FAM91A1: variants seen among roughly 807,000 people sequenced by gnomAD.
The protein encoded by FAM91A1 is family with sequence similarity 91 member A1, also known as protein FAM91A1.
A neutral mutation model predicts 113.5 loss-of-function variants in FAM91A1; 41 were observed. That is an observed-to-expected ratio of 0.36 (90% CI 0.28 to 0.47). The LOEUF (loss-of-function observed/expected upper bound fraction) is 0.47, where lower values mean the gene tolerates loss of function less well. FAM91A1 is among the 20% of genes least tolerant of loss of function. The pLI is 1.00. For synonymous variants in FAM91A1, 307 were observed against 347.9 expected, an observed-to-expected ratio of 0.88 and a Z score of 1.31; for missense variants, 696 against 1,001.2, an observed-to-expected ratio of 0.70 and a Z score of 4.11.
chr8:123,784,618 G>GCT, intron 9 of FAM91A1, 42 bp downstream of exon 9: 1 of 1,415,924 alleles, frequency 7.1e-7, no homozygotes, highest in Non-Finnish European at 9.7e-7. Flanking sequence ...TCTCAAGATT[G>GCT]TAAGTTTGTG....
At chr8:123,780,371 C>G in intron 7 of FAM91A1, 109 bp from the exon 8 acceptor site, 1 of 859,598 alleles carries the variant, frequency 1.2e-6, no homozygotes, top group Non-Finnish European at 1.8e-6. Flanking sequence ...TCTTTCGTCA[C>G]ATAGCATTCA....
intron 21 of FAM91A1, 116 bp downstream of exon 21, chr8:123,808,492 A>C: frequency 1.5e-6 from 1 of 658,614 alleles, no homozygotes; most frequent in Non-Finnish European, 2.4e-6. Flanking sequence ...CTTTTAAATA[A>C]GAGTTTTCTA....
In FAM91A1 at chr8:123,809,019, G is replaced by A. The variant is rs760135532; in HGVS notation, c.2261+3G>A. On this transcript the variant is annotated splice_donor_region_variant and intron_variant, in intron 22 of 23. Transcript: ENST00000334705. ...CATGGCCTTTGCAGAAAAGAGAGGT[G>A]AGGGTTTATATTCGCTGTCATATTT... The A allele has an allele frequency of 6.8e-6, 11 of 1,611,290 alleles. No individual in the cohort carries two copies. The highest frequency in any genetic ancestry group is 1.7e-5 in the Admixed American group (1 of 59,762).
intron 18 of FAM91A1, among the ~76,000 whole-genome samples, chr8:123,804,513 A>C (rs1815758380): frequency 6.6e-6 from 1 of 150,448 alleles, no homozygotes; most frequent in African/African-American, 2.4e-5. Flanking sequence ...AAAAAAAAAA[A>C]AAAAAAAAGA....
At chr8:123,798,953 A>G (rs1458494932) in intron 16 of FAM91A1, among the ~76,000 whole-genome samples, 3 of 152,214 alleles carry the variant, frequency 2.0e-5, no homozygotes, top group Non-Finnish European at 2.9e-5. Flanking sequence ...TAACCTTTTT[A>G]AAATAATTCT....
At chr8:123,788,123 T>G (rs1815302175) in intron 14 of FAM91A1, 2 of 910,680 alleles carry the variant, frequency 2.2e-6, no homozygotes, top group Admixed American at 6.2e-5. Context: ...TGATTTGAAG[T>G]TTTTGTTCCA....
chr8:123,807,278 C>G (rs894264874), intron 20 of FAM91A1, among the ~76,000 whole-genome samples: 2 of 152,004 alleles, frequency 1.3e-5, no homozygotes, highest in African/African-American at 2.4e-5. Flanking sequence ...TACTACAGCT[C>G]TCCTTTTTTA....
At chr8:123,807,241 A>C (rs1423644694) in intron 20 of FAM91A1, among the ~76,000 whole-genome samples, 2 of 152,178 alleles carry the variant, frequency 1.3e-5, no homozygotes, top group Non-Finnish European at 2.9e-5. Context: ...GAGGGCTATG[A>C]CTTAAGCAGT....
At chr8:123,782,370 T>C (rs1271396457) in intron 8 of FAM91A1, among the ~76,000 whole-genome samples, 1 of 152,152 alleles carries the variant, frequency 6.6e-6, no homozygotes, top group Admixed American at 6.5e-5. Flanking sequence ...TCAGTACAAA[T>C]AATACCTGAA....
chr8:123,778,872 C>A, intron 6 of FAM91A1, 100 bp downstream of exon 6: 3 of 795,082 alleles, frequency 3.8e-6, no homozygotes, highest in South Asian at 3.1e-5. Flanking sequence ...ACATTGTTTT[C>A]CTGAAGAAAA....
intron 7 of FAM91A1, 118 bp downstream of exon 7, chr8:123,780,193 A>G (rs138426046): frequency 4.0e-5 from 35 of 865,746 alleles, no homozygotes; most frequent in African/African-American, 3.9e-4. Flanking sequence ...AAGGCATGTT[A>G]TTGTTTGAAA....
At chr8:123,798,270 GT>G (rs1482817001) in intron 16 of FAM91A1, 32 bp downstream of exon 16, 1 of 1,607,130 alleles carries the variant, frequency 6.2e-7, no homozygotes, top group Non-Finnish European at 8.5e-7. Flanking sequence ...CCACTTGGTA[GT>G]GTCATGAGTC....
chr8:123,791,248 T>C (rs2130106347), intron 15 of FAM91A1, among the ~76,000 whole-genome samples: 2 of 152,086 alleles, frequency 1.3e-5, no homozygotes, highest in African/African-American at 4.8e-5. Context: ...ATATTATTAG[T>C]AAATGGAAGA....
At chr8:123,777,451 A>T in intron 4 of FAM91A1, 129 bp downstream of exon 4, 2 of 767,412 alleles carry the variant, frequency 2.6e-6, no homozygotes, top group South Asian at 3.7e-5. Flanking sequence ...AAGCAACATT[A>T]TCAGTGAGAA....
At position 123,786,521 on chromosome 8, in the gene FAM91A1, T is replaced by C; in HGVS notation, c.989T>C (p.Leu330Pro). The change falls in exon 12 of 24, where the codon CTC becomes CCC. Residue 330 changes from leucine (L) to proline (P), a missense_variant. Physicochemically the swap from Leu to Pro is moderately conservative, Grantham distance 98 (BLOSUM62 -3). Coordinates refer to ENST00000334705, the MANE Select transcript of FAM91A1 (RefSeq NM_144963.4). ...AGTACCTTAGATCCACAGAAGATGC[T>C]CTTGTCATGGGATGGAGGGGAAAGT... ...LKSTLDPQKM[L>P]LSWDGGESRS... The C allele has an allele frequency of 6.2e-7, 1 of 1,613,860 alleles. No individual in the cohort carries two copies. Among genetic ancestry groups the C allele is most frequent in the Non-Finnish European group, 8.5e-7 (1 of 1,179,908 alleles).
At chr8:123,786,303 A>C (rs186508905) in intron 11 of FAM91A1, among the ~76,000 whole-genome samples, 192 bp from the exon 12 acceptor site, 1 of 152,332 alleles carries the variant, frequency 6.6e-6, no homozygotes, top group African/African-American at 2.4e-5. Flanking sequence ...TCTGAAGCCT[A>C]TCCGTGGATC....
chr8:123,783,912 G>A (rs1234270406), intron 8 of FAM91A1, among the ~76,000 whole-genome samples: 1 of 152,176 alleles, frequency 6.6e-6, no homozygotes, highest in African/African-American at 2.4e-5. Context: ...AGAAAAGAAA[G>A]CCCCAAAGAA....
intron 18 of FAM91A1, among the ~76,000 whole-genome samples, chr8:123,802,063 T>C (rs186179804): frequency 1.3e-5 from 2 of 152,026 alleles, no homozygotes; most frequent in East Asian, 3.9e-4. Flanking sequence ...AACTGAGAAG[T>C]TGACCTGTAG....
At chr8:123,769,498 T>C (rs912279322) in intron 1 of FAM91A1, among the ~76,000 whole-genome samples, 3 of 152,222 alleles carry the variant, frequency 2.0e-5, no homozygotes, top group Non-Finnish European at 4.4e-5. Context: ...TTGGACTTTA[T>C]CCTCCAGACA....
Sources: gnomAD v4.1 joint callset for allele counts (sites outside exome capture counted in the v4.1 genomes callset) on GRCh38, gnomAD v4.1.1 for gene constraint, MANE v1.5 for transcripts, NCBI Gene and HGNC (gene_info 2026-07-23, HGNC 2026-07-21) for gene names.